The following INPP5D variants were observed in gnomAD, a reference collection of about 807,000 sequenced individuals.
INPP5D encodes the protein inositol polyphosphate-5-phosphatase D.
Under a neutral mutation model 122.9 loss-of-function variants are expected in INPP5D, and 33 were observed. The ratio of observed to expected loss-of-function variants is 0.27; its 90% confidence interval spans 0.20 to 0.36. The LOEUF (loss-of-function observed/expected upper bound fraction) is 0.36. INPP5D is among the 10% of genes least tolerant of loss of function. The pLI is 1.00. For missense variants in INPP5D, 1,053 were observed against 1,412.7 expected (o/e 0.75, Z 4.08); for synonymous variants, 584 against 576.2 (o/e 1.01, Z -0.19).
intron 2 of INPP5D, among the ~76,000 whole-genome samples, chr2:233,096,322 A>G (rs1216804560): frequency 6.6e-6 from 1 of 152,140 alleles, no homozygotes; most frequent in Admixed American, 6.5e-5. Flanking sequence ...GAAATATGTG[A>G]TCGCAATATT....
In INPP5D at chr2:233,060,442, G is replaced by T. The variant is rs1013582222; in HGVS notation, c.-37G>T. 7 of 1,559,692 alleles carry T rather than the reference G, an allele frequency of 4.5e-6. No individual in the cohort carries two copies. Among genetic ancestry groups the T allele is most frequent in the East Asian group, 4.7e-5 (2 of 42,178 alleles). On this transcript the variant is annotated 5_prime_UTR_variant, in exon 1 of 27. Coordinates refer to ENST00000445964, the MANE Select transcript of INPP5D (RefSeq NM_001017915.3). ...CCTCGGTGGTGTGTGGGTCCTGGGG[G>T]TGCCTGCCGGCCCGGCCGAGGAGGC...
At position 233,204,485 on chromosome 2, in the gene INPP5D, C is replaced by A; in HGVS notation, c.3335C>A (p.Ser1112Tyr). Residue 1112 changes from serine (S) to tyrosine (Y), a missense_variant, in exon 26 of 27, where the codon TCC becomes TAC. Coordinates refer to ENST00000445964, the MANE Select transcript of INPP5D (RefSeq NM_001017915.3). Reference protein sequence around the residue: ...SQGKPKTPVSSQAPVPAKRPI... With the variant: ...SQGKPKTPVSYQAPVPAKRPI... The stretch of plus-strand genomic sequence containing the variant: ...GGGAAGCCCAAGACCCCGGTCAGCT[C>A]CCAGGCCCCGGTGCCGGCCAAGAGG... 1.3e-6 allele frequency: 2 copies of A among 1,585,270 alleles called. No individual in the cohort carries two copies. Among genetic ancestry groups the A allele is most frequent in the South Asian group, 1.1e-5 (1 of 87,360 alleles).
At chr2:233,169,492 C>A in intron 14 of INPP5D, 91 bp downstream of exon 14, 1 of 1,522,434 alleles carries the variant, frequency 6.6e-7, no homozygotes, top group Non-Finnish European at 8.9e-7. Flanking sequence ...ACCTGCTCAG[C>A]TCCTGCCTTT....
In INPP5D at chr2:233,184,388, C is replaced by T. The variant is rs770398961; in HGVS notation, c.2162-20C>T. The T allele has an allele frequency of 1.6e-5, 25 of 1,612,662 alleles. No individual in the cohort carries two copies. The highest frequency in any genetic ancestry group is 5.3e-5 in the African/African-American group (4 of 74,858). ...TCCAGGCACATTGTGGAACTGAATC[C>T]GTGTTCTCCCCTGTTCCAGGTCCCG... is the stretch of plus-strand genomic sequence containing the variant. On this transcript the variant is annotated intron_variant, in intron 19 of 26. Coordinates refer to ENST00000445964, the MANE Select transcript of INPP5D (RefSeq NM_001017915.3).
chr2:233,081,446 T>C (rs1691686471), intron 2 of INPP5D, among the ~76,000 whole-genome samples: 1 of 152,230 alleles, frequency 6.6e-6, no homozygotes, highest in African/African-American at 2.4e-5. Context: ...TGAAGAAAAC[T>C]TTAAGTATGA....
chr2:233,165,663 TGTGA>T (rs112995355), intron 13 of INPP5D, among the ~76,000 whole-genome samples: 11 of 152,014 alleles, frequency 7.2e-5, no homozygotes, highest in Middle Eastern at 3.4e-3. Context: ...TGCATGTGTT[TGTGA>T]GTGTGTTTAT....
chr2:233,073,359 A>G lies in INPP5D; in HGVS notation c.135-5976A>G, dbSNP rs184737556. 4.6e-4 allele frequency among the ~76,000 whole-genome samples: 70 copies of G among 152,212 alleles called. 1 individual carries two copies. In the East Asian group the frequency reaches 0.012, roughly 26 times the overall value. ...TTATATTCTAAAAAATGATCTCTGGACCGGACACAGTGGCTCACGCCTGTA... is the reference window on the plus strand; with the variant it reads ...TTATATTCTAAAAAATGATCTCTGGGCCGGACACAGTGGCTCACGCCTGTA... On this transcript the variant is annotated intron_variant, in intron 1 of 26. Transcript: ENST00000445964.
At chr2:233,134,251 A>G in intron 5 of INPP5D, 1 of 321,748 alleles carries the variant, frequency 3.1e-6, no homozygotes, top group Non-Finnish European at 6.2e-6. Flanking sequence ...CCATGGAGCT[A>G]GTGCTAAGAA....
Position 233,168,409 on chromosome 2 carries a change from T to A in INPP5D, c.1556-896T>A, listed in dbSNP as rs188995420. 3.6e-4 allele frequency among the ~76,000 whole-genome samples: 55 copies of A among 152,330 alleles called. 1 individual carries two copies. Among genetic ancestry groups the A allele is most frequent in the African/African-American group, 1.2e-3 (49 of 41,574 alleles). On this transcript the variant is annotated intron_variant, in intron 13 of 26. Coordinates refer to ENST00000445964, the MANE Select transcript of INPP5D (RefSeq NM_001017915.3). ...CAGAGCAGGTTCTCACCTGCATGTGTCAGAATCACCTAGAGCAGGGGTTAA... is the reference window on the plus strand; with the variant it reads ...CAGAGCAGGTTCTCACCTGCATGTGACAGAATCACCTAGAGCAGGGGTTAA...
chr2:233,085,531 T>C (rs1691808281), intron 2 of INPP5D, among the ~76,000 whole-genome samples: 1 of 152,218 alleles, frequency 6.6e-6, no homozygotes, highest in Admixed American at 6.5e-5. Context: ...AGTGTTGTCA[T>C]TTTCCTTTCA....
intron 22 of INPP5D, among the ~76,000 whole-genome samples, chr2:233,193,194 G>C (rs764202174): frequency 3.5e-4 from 54 of 152,182 alleles, no homozygotes; most frequent in Non-Finnish European, 6.5e-4. Context: ...CGGTGCATTG[G>C]GTGTTATTTT....
Position 233,164,203 on chromosome 2 carries a change from A to T in INPP5D, c.1438-104A>T, listed in dbSNP as rs1391968015. The T allele has an allele frequency of 8.9e-6, 13 of 1,458,272 alleles. No homozygotes were observed. The highest frequency in any genetic ancestry group is 1.2e-5 in the Non-Finnish European group (13 of 1,103,302). 90.3% of individuals were successfully genotyped at this position (1,458,272 alleles called of 1,614,324 possible). Reference sequence around the variant, plus strand: ...CCGAAGGGTTGGGATTACAGACAGGATACCCCATACCCAGGGGCTGCGGCT... The same window carrying T: ...CCGAAGGGTTGGGATTACAGACAGGTTACCCCATACCCAGGGGCTGCGGCT... On this transcript the variant is annotated intron_variant, in intron 12 of 26. Transcript: ENST00000445964. This position sits in a 1 kb window ranked among gnomAD's most constrained non-coding sequence, Gnocchi z 4.3.
chr2:233,156,603 C>T (rs1574771689), intron 9 of INPP5D, among the ~76,000 whole-genome samples: 1 of 152,162 alleles, frequency 6.6e-6, no homozygotes, highest in Admixed American at 6.5e-5. Flanking sequence ...CCCACGCTTC[C>T]TTCTAAGTAC....
chr2:233,121,314 T>C (rs1692968798), intron 2 of INPP5D, among the ~76,000 whole-genome samples: 1 of 151,574 alleles, frequency 6.6e-6, no homozygotes, highest in African/African-American at 2.4e-5. Flanking sequence ...GTGTTTTTAG[T>C]AGAGACTGGG....
chr2:233,205,938 G>A (rs924212614), intron 26 of INPP5D, among the ~76,000 whole-genome samples: 3 of 152,194 alleles, frequency 2.0e-5, no homozygotes, highest in East Asian at 3.9e-4. Flanking sequence ...AATTAGCTGG[G>A]CATTGTGGTG....
chr2:233,145,371 T>C lies in INPP5D; in HGVS notation c.754-791T>C. On this transcript the variant is annotated intron_variant, in intron 6 of 26. Transcript: ENST00000445964. ...CCAGACACTGTTCTGAGCCCCAGTG[T>C]TGCAGTACTGAACACAGTCCTCTTG... 6 of 456,064 alleles carry C rather than the reference T, an allele frequency of 1.3e-5. 1 individual carries two copies. The highest frequency in any genetic ancestry group is 9.3e-5 in the South Asian group (6 of 64,566). The allele number at this position is 456,064 out of a possible 1,614,324, so 28.3% of individuals were successfully genotyped here.
intron 2 of INPP5D, among the ~76,000 whole-genome samples, chr2:233,079,775 T>C (rs6712466): frequency 0.018 from 2,808 of 152,180 alleles, 90 homozygotes; most frequent in African/African-American, 0.063. Context: ...GAGGTGAACT[T>C]ACAGGAGAAC....
intron 2 of INPP5D, among the ~76,000 whole-genome samples, chr2:233,085,963 G>A (rs1278057427): frequency 6.6e-6 from 1 of 152,122 alleles, no homozygotes; most frequent in Non-Finnish European, 1.5e-5. Flanking sequence ...GTTACCCAAA[G>A]CGGTCTAGAA....
chr2:233,112,141 G>T (rs1692649725), intron 2 of INPP5D, among the ~76,000 whole-genome samples: 1 of 151,180 alleles, frequency 6.6e-6, no homozygotes, highest in South Asian at 2.1e-4. Flanking sequence ...ATGTATTGAC[G>T]ATTCTTGCCT....
Sources: gnomAD v4.1 joint callset for allele counts (sites outside exome capture counted in the v4.1 genomes callset) on GRCh38, gnomAD v4.1.1 for gene constraint, Gnocchi (gnomAD v3.1) non-coding constraint, MANE v1.5 for transcripts, NCBI Gene and HGNC (gene_info 2026-07-23, HGNC 2026-07-21) for gene names.